The following GULP1 variants were observed in gnomAD, a reference collection of about 807,000 sequenced individuals.
The protein encoded by GULP1 is GULP PTB domain containing engulfment adaptor 1.
GULP1 carries 19 observed loss-of-function variants against 40.9 expected under a neutral mutation model. That is an observed-to-expected ratio of 0.46 (90% CI 0.32 to 0.68). GULP1 has a LOEUF of 0.68. Among genes scored for constraint, GULP1 ranks in the 30% least tolerant of loss-of-function variants. The probability of loss-of-function intolerance (pLI) is 0.03; values close to 1 mark genes in which losing one functional copy is unlikely to be tolerated. For missense variants in GULP1, 312 were observed against 362.2 expected (o/e 0.86, Z 1.12); for synonymous variants, 119 against 117.6 (o/e 1.01, Z -0.08).
chr2:188,298,344 T>C (rs1416035093), intron 1 of GULP1, among the ~76,000 whole-genome samples: 1 of 151,702 alleles, frequency 6.6e-6, no homozygotes, highest in Non-Finnish European at 1.5e-5. Context: ...ATCTCTATGC[T>C]GAATATGTTA....
intron 4 of GULP1, among the ~76,000 whole-genome samples, chr2:188,518,548 C>A (rs535614895): frequency 6.6e-6 from 1 of 152,196 alleles, no homozygotes; most frequent in South Asian, 2.1e-4. Flanking sequence ...ATGCTTCTAG[C>A]TCTCAATACT....
intron 7 of GULP1, among the ~76,000 whole-genome samples, chr2:188,552,949 C>T (rs560820538): frequency 3.3e-5 from 5 of 150,846 alleles, no homozygotes; most frequent in South Asian, 2.1e-4. Flanking sequence ...ATACTTATTG[C>T]GCTATTGTAA....
rs573288972 is a variant in GULP1, at chr2:188,584,383, C to T, written c.728C>T (p.Pro243Leu). ...TRNGTQPPPVPSRSTEIKRDL... is the reference protein window; with the variant it reads ...TRNGTQPPPVLSRSTEIKRDL... ...AATGGCACACAGCCACCTCCAGTAC[C>T]TAGTAGATCTACTGAGATTAGTAAG... Residue 243 changes from proline (P) to leucine (L), a missense_variant, in exon 10 of 12, where the codon CCT becomes CTT. Coordinates refer to ENST00000409830, the MANE Select transcript of GULP1 (RefSeq NM_016315.4). 8 of 1,598,890 alleles carry T rather than the reference C, an allele frequency of 5.0e-6. No homozygotes were observed. In the East Asian group the frequency reaches 1.8e-4, roughly 36 times the overall value.
chr2:188,483,602 G>GA (rs1389753406), intron 4 of GULP1, 110 bp downstream of exon 4: 5 of 441,254 alleles, frequency 1.1e-5, no homozygotes. Flanking sequence ...ATTGATTCCT[G>GA]AAAAAAGTTT....
intron 2 of GULP1, among the ~76,000 whole-genome samples, chr2:188,400,923 T>TTGTGTG (rs61060931): frequency 0.016 from 2,278 of 139,610 alleles, 59 homozygotes; most frequent in East Asian, 0.11. Flanking sequence ...AGTGGTGTGT[T>TTGTGTG]TGTGTGTGTG....
At chr2:188,526,901 A>G (rs1254338445) in intron 5 of GULP1, among the ~76,000 whole-genome samples, 3 of 152,196 alleles carry the variant, frequency 2.0e-5, no homozygotes, top group African/African-American at 7.2e-5. Flanking sequence ...CTTATCTTTG[A>G]AATAAGAAGC....
At chr2:188,435,760 A>G (rs1246130427) in intron 2 of GULP1, among the ~76,000 whole-genome samples, 6 of 151,992 alleles carry the variant, frequency 3.9e-5, no homozygotes, top group African/African-American at 1.4e-4. Context: ...TGCACAATTT[A>G]TGGCAGGATG....
intron 1 of GULP1, among the ~76,000 whole-genome samples, chr2:188,308,263 T>C (rs568020215): frequency 6.6e-6 from 1 of 152,344 alleles, no homozygotes; most frequent in African/African-American, 2.4e-5. Context: ...ATCTGTTTTT[T>C]AGGTTTGGTA....
intron 1 of GULP1, among the ~76,000 whole-genome samples, chr2:188,377,378 C>T (rs1281561581): frequency 6.6e-6 from 1 of 152,116 alleles, no homozygotes; most frequent in African/African-American, 2.4e-5. Flanking sequence ...TCTAAGTTCA[C>T]ATTAATATGC....
intron 2 of GULP1, among the ~76,000 whole-genome samples, chr2:188,429,631 T>C (rs2056621239): frequency 6.6e-6 from 1 of 152,154 alleles, no homozygotes. Context: ...ATAAAGACCC[T>C]GGAGCTGGAG....
rs56274020 is a variant in GULP1, at chr2:188,368,939, G to GTATATATATATATATA, written c.-171-14800_-171-14785dup. Among the ~76,000 whole-genome samples the GTATATATATATATATA allele has an allele frequency of 5.8e-3, 500 of 85,914 alleles. 3 individuals are homozygous for GTATATATATATATATA. The highest frequency in any genetic ancestry group is 9.3e-3 in the Middle Eastern group (1 of 108). 56.4% of individuals were successfully genotyped at this position (85,914 alleles called of 152,430 possible). A position where few individuals can be genotyped will look rare whatever the true frequency, so the allele number is the denominator to read the frequency against. On this transcript the variant is annotated intron_variant, in intron 1 of 11. Coordinates refer to ENST00000409830, the MANE Select transcript of GULP1 (RefSeq NM_016315.4). Reference sequence around the variant, plus strand: ...TATATATATGTATATATATATGTGTGTATATATATATATATATATATATAT... The same window carrying GTATATATATATATATA: ...TATATATATGTATATATATATGTGTGTATATATATATATATATATATATATATATATATATATATAT...
At chr2:188,420,158 T>C (rs1294034676) in intron 2 of GULP1, among the ~76,000 whole-genome samples, 1 of 152,208 alleles carries the variant, frequency 6.6e-6, no homozygotes, top group Non-Finnish European at 1.5e-5. Flanking sequence ...TGGATTGTTT[T>C]GGCTATTTGG....
intron 2 of GULP1, among the ~76,000 whole-genome samples, chr2:188,443,780 G>A (rs1315762506): frequency 4.7e-5 from 7 of 150,500 alleles, no homozygotes; most frequent in South Asian, 2.1e-4. Flanking sequence ...TCCGCCTCCC[G>A]GGTTCAAGCA....
intron 1 of GULP1, among the ~76,000 whole-genome samples, chr2:188,336,647 A>T (rs958737251): frequency 1.3e-5 from 2 of 152,202 alleles, no homozygotes; most frequent in Admixed American, 6.5e-5. Flanking sequence ...TGGTCTGGAA[A>T]GTCTTCACTG....
chr2:188,534,569 AC>A (rs968658500), intron 6 of GULP1, among the ~76,000 whole-genome samples: 2 of 152,084 alleles, frequency 1.3e-5, no homozygotes, highest in Admixed American at 1.3e-4. Context: ...GACTATTTTT[AC>A]CCAAAACCTC....
At chr2:188,446,760 A>G (rs556662606) in intron 2 of GULP1, among the ~76,000 whole-genome samples, 1 of 152,324 alleles carries the variant, frequency 6.6e-6, no homozygotes, top group South Asian at 2.1e-4. Flanking sequence ...TTGAACTTAT[A>G]TGGATGAAGT....
chr2:188,506,793 C>T (rs899049499), intron 4 of GULP1, among the ~76,000 whole-genome samples: 2 of 151,892 alleles, frequency 1.3e-5, no homozygotes, highest in Non-Finnish European at 1.5e-5. Context: ...CAAAAGTAAG[C>T]GCCTTAATGT....
intron 1 of GULP1, among the ~76,000 whole-genome samples, chr2:188,316,993 A>G (rs192152444): frequency 2.6e-4 from 40 of 152,300 alleles, no homozygotes; most frequent in Admixed American, 4.6e-4. Context: ...AACTGTGAGA[A>G]AGATGCAAAT....
chr2:188,361,504 T>C (rs1287426124), intron 1 of GULP1, among the ~76,000 whole-genome samples: 1 of 152,080 alleles, frequency 6.6e-6, no homozygotes, highest in East Asian at 1.9e-4. Context: ...GAAATGATTT[T>C]TATGCGTGGA....
Sources: allele counts gnomAD v4.1 joint callset (sites outside exome capture counted in the v4.1 genomes callset), GRCh38; gene constraint gnomAD v4.1.1; transcripts MANE v1.5; gene names NCBI Gene and HGNC (gene_info 2026-07-23, HGNC 2026-07-21).